Variants in RAPGEF4 observed in about 807,000 individuals in gnomAD.
RAPGEF4 encodes RAP guanine-nucleotide-exchange factor (GEF) 4.
In RAPGEF4, 66 loss-of-function variants were observed where a neutral mutation model predicts 147.9. The observed-to-expected ratio is 0.45, with a 90% CI of 0.37 to 0.55. RAPGEF4 has a LOEUF of 0.55. RAPGEF4 is among the 20% of genes least tolerant of loss of function. The pLI, the probability that RAPGEF4 is intolerant of heterozygous loss-of-function variation, is 0.00. For missense variants in RAPGEF4, 1,071 were observed against 1,257.3 expected, an observed-to-expected ratio of 0.85 and a Z score of 2.24; for synonymous variants, 419 against 442.7, an observed-to-expected ratio of 0.95 and a Z score of 0.67.
chr2:173,047,898 G>C (rs748389574), intron 29 of RAPGEF4, among the ~76,000 whole-genome samples: 7 of 151,982 alleles, frequency 4.6e-5, no homozygotes, highest in African/African-American at 1.4e-4. Context: ...GGATGGTCTC[G>C]ATCTCCTGAC....
intron 4 of RAPGEF4, among the ~76,000 whole-genome samples, chr2:172,841,475 A>C (rs1032073572): frequency 2.2e-4 from 33 of 152,300 alleles, no homozygotes; most frequent in African/African-American, 7.7e-4. Flanking sequence ...TTATGGCAAT[A>C]CAAACAGATT....
At chr2:172,754,897 G>A (rs1191266270) in intron 1 of RAPGEF4, among the ~76,000 whole-genome samples, 2 of 152,104 alleles carry the variant, frequency 1.3e-5, no homozygotes, top group Non-Finnish European at 2.9e-5. Flanking sequence ...CAAAAAATTA[G>A]CTGGGCCTGG....
intron 3 of RAPGEF4, among the ~76,000 whole-genome samples, chr2:172,811,922 A>G (rs1456478517): frequency 1.3e-5 from 2 of 152,212 alleles, no homozygotes; most frequent in African/African-American, 4.8e-5. Context: ...AAGGGCTAGC[A>G]CCCATAGACT....
intron 15 of RAPGEF4, among the ~76,000 whole-genome samples, chr2:172,995,712 G>A (rs1445713301): frequency 6.6e-6 from 1 of 152,172 alleles, no homozygotes; most frequent in Non-Finnish European, 1.5e-5. Context: ...TCACTGTCTT[G>A]AGTATGATTT....
chr2:172,801,807 G>A (rs970141681), intron 3 of RAPGEF4, among the ~76,000 whole-genome samples: 4 of 152,148 alleles, frequency 2.6e-5, no homozygotes, highest in Non-Finnish European at 5.9e-5. Context: ...ATGCAGGGAG[G>A]AGCTTTCCCC....
chr2:172,984,152 T>G (rs1020375757), intron 11 of RAPGEF4, among the ~76,000 whole-genome samples: 4 of 152,158 alleles, frequency 2.6e-5, no homozygotes, highest in Non-Finnish European at 5.9e-5. Context: ...GAGACAGAAA[T>G]TTTTTGCCAC....
Position 172,752,180 on chromosome 2 carries a change from G to T in RAPGEF4, c.65+16132G>T, listed in dbSNP as rs1301871386. On this transcript the variant is annotated intron_variant, in intron 1 of 30. Coordinates refer to ENST00000397081, the MANE Select transcript of RAPGEF4 (RefSeq NM_007023.4). Reference sequence around the variant, plus strand: ...ATTCCCATCCTACCCATGGAATTTTGGTTTTCATATTTAACCAGTTTAGTT... The same window carrying T: ...ATTCCCATCCTACCCATGGAATTTTTGTTTTCATATTTAACCAGTTTAGTT... 5.2e-5 allele frequency among the ~76,000 whole-genome samples: 4 copies of T among 77,096 alleles called. No individual in the cohort carries two copies. In the Admixed American group the frequency reaches 5.9e-4, roughly 11 times the overall value. The allele number at this position is 77,096 out of a possible 152,430, so 50.6% of individuals were successfully genotyped here. A position where few individuals can be genotyped will look rare whatever the true frequency, so the allele number is the denominator to read the frequency against.
chr2:172,993,329 A>G (rs1353419670), intron 15 of RAPGEF4, among the ~76,000 whole-genome samples: 3 of 152,080 alleles, frequency 2.0e-5, no homozygotes, highest in Non-Finnish European at 2.9e-5. Context: ...TGAAATGCAT[A>G]TTCCTGTTTT....
At chr2:173,004,990 C>A (rs139087874) in intron 17 of RAPGEF4, among the ~76,000 whole-genome samples, 2 of 151,986 alleles carry the variant, frequency 1.3e-5, no homozygotes, top group Admixed American at 6.6e-5. Context: ...GAGTACTGGG[C>A]AACAAGGGGG....
In RAPGEF4 at chr2:172,738,105, AT is replaced by A. The variant is rs999576061; in HGVS notation, c.65+2065del. 4.0e-5 allele frequency among the ~76,000 whole-genome samples: 6 copies of A among 151,736 alleles called. No homozygotes were observed. In the South Asian group the frequency reaches 8.3e-4, roughly 21 times the overall value. On this transcript the variant is annotated intron_variant, in intron 1 of 30. Transcript: ENST00000397081. ...TTTTACTTAGATTGTTTATTTATTT[AT>A]TTTTTTTAGGAAAGGAGAAAGGTTG...
chr2:172,830,225 C>T (rs1224672682), intron 4 of RAPGEF4, among the ~76,000 whole-genome samples: 1 of 152,162 alleles, frequency 6.6e-6, no homozygotes, highest in Non-Finnish European at 1.5e-5. Flanking sequence ...TACTTGTCAT[C>T]AAGCTTTAAG....
intron 6 of RAPGEF4, among the ~76,000 whole-genome samples, chr2:172,926,714 GGCGC>G (rs1379515716): frequency 1.3e-5 from 2 of 152,062 alleles, no homozygotes; most frequent in East Asian, 3.9e-4. Context: ...TGGGACTACA[GGCGC>G]GTGCCACCAT....
chr2:172,791,643 A>T (rs1685836723), intron 1 of RAPGEF4, among the ~76,000 whole-genome samples: 1 of 152,188 alleles, frequency 6.6e-6, no homozygotes, highest in Non-Finnish European at 1.5e-5. Context: ...CAAGAATGAC[A>T]TCGTTAGGGC....
chr2:172,824,038 C>T (rs1282423943), intron 4 of RAPGEF4, among the ~76,000 whole-genome samples: 1 of 152,146 alleles, frequency 6.6e-6, no homozygotes, highest in Non-Finnish European at 1.5e-5. Flanking sequence ...GTCCCCCTCC[C>T]TTTTTGGTTT....
intron 4 of RAPGEF4, among the ~76,000 whole-genome samples, chr2:172,852,782 A>G (rs1319494321): frequency 2.0e-5 from 3 of 152,130 alleles, no homozygotes; most frequent in African/African-American, 4.8e-5. Flanking sequence ...TTAAAGACAT[A>G]TCTTTTTATT....
chr2:172,804,924 T>G (rs1687336891), intron 3 of RAPGEF4, among the ~76,000 whole-genome samples: 1 of 152,178 alleles, frequency 6.6e-6, no homozygotes, highest in South Asian at 2.1e-4. Flanking sequence ...ATGGCTCACC[T>G]TCCAGTGTCA....
chr2:173,014,347 A>C, intron 17 of RAPGEF4, 117 bp from the exon 18 acceptor site: 1 of 1,306,344 alleles, frequency 7.7e-7, no homozygotes, highest in South Asian at 1.3e-5. Flanking sequence ...TAGGGGAGGA[A>C]TTCTATCCAT....
intron 15 of RAPGEF4, among the ~76,000 whole-genome samples, chr2:172,992,094 C>T (rs1692894016): frequency 6.6e-6 from 1 of 152,112 alleles, no homozygotes; most frequent in Non-Finnish European, 1.5e-5. Context: ...CACCTGACAG[C>T]TTACTATAAC....
rs535581783 is a variant in RAPGEF4 at position 172,908,650 on chromosome 2, A to G, written c.445-9152A>G. Among the ~76,000 whole-genome samples, 5 of 152,336 alleles carry G rather than the reference A, an allele frequency of 3.3e-5. No homozygotes were observed. In the East Asian group the frequency reaches 9.7e-4, roughly 29 times the overall value. On this transcript the variant is annotated intron_variant, in intron 4 of 30. Transcript: ENST00000397081. Reference sequence around the variant, plus strand: ...TGTAAACTCTTATTTTTTAGGATCCAAAGTCATTTTTCAAATGAAACTATT... The same window carrying G: ...TGTAAACTCTTATTTTTTAGGATCCGAAGTCATTTTTCAAATGAAACTATT...
Sources: gnomAD v4.1 joint callset for allele counts (sites outside exome capture counted in the v4.1 genomes callset) on GRCh38, gnomAD v4.1.1 for gene constraint, MANE v1.5 for transcripts, NCBI Gene and HGNC (gene_info 2026-07-23, HGNC 2026-07-21) for gene names.